The following CSMD1 variants were observed in gnomAD, a reference collection of about 807,000 sequenced individuals.
CSMD1 encodes CUB and sushi domain-containing protein 1.
In CSMD1, 213 loss-of-function variants were observed where a neutral mutation model predicts 417.5. The observed-to-expected ratio is 0.51, with a 90% CI of 0.46 to 0.57. The LOEUF (loss-of-function observed/expected upper bound fraction) is 0.57, where lower values mean the gene tolerates loss of function less well. Ranked by LOEUF, CSMD1 falls within the 20% of genes least tolerant of loss-of-function variation. CSMD1 has a pLI of 0.00. For synonymous variants in CSMD1, 2,862 were observed against 1,736.8 expected (o/e 1.65, Z -16.11); for missense variants, 6,923 against 4,529.7 (o/e 1.53, Z -15.17).
At chr8:3,614,872 C>T (rs113774788) in intron 8 of CSMD1, among the ~76,000 whole-genome samples, 25 of 152,224 alleles carry the variant, frequency 1.6e-4, no homozygotes, top group African/African-American at 5.8e-4. Flanking sequence ...TGATGATGCA[C>T]TGTTGTCAAC....
intron 23 of CSMD1, among the ~76,000 whole-genome samples, chr8:3,325,245 G>A (rs957998688): frequency 6.6e-6 from 1 of 152,182 alleles, no homozygotes; most frequent in African/African-American, 2.4e-5. Context: ...CCTTGCAAAT[G>A]CAATGCATCC....
At chr8:4,242,825 T>C (rs1229042505) in intron 3 of CSMD1, among the ~76,000 whole-genome samples, 1 of 152,234 alleles carries the variant, frequency 6.6e-6, no homozygotes, top group Non-Finnish European at 1.5e-5. Flanking sequence ...ACCAACGACA[T>C]GTGACTATTA....
chr8:4,291,614 T>A (rs1428519787), intron 3 of CSMD1, among the ~76,000 whole-genome samples: 1 of 152,220 alleles, frequency 6.6e-6, no homozygotes, highest in African/African-American at 2.4e-5. Flanking sequence ...ATTTTTCTTG[T>A]GATATGTTTC....
At position 3,225,877 on chromosome 8, in the gene CSMD1, T is replaced by TA. The variant is rs1798471924; in HGVS notation, c.4346-2011dup. Reference sequence around the variant, plus strand: ...AATATTTTAGATAGGATTAGAATAGTAAAAAATGCAACTCAGAGATGCTAG... The same window carrying TA: ...AATATTTTAGATAGGATTAGAATAGTAAAAAAATGCAACTCAGAGATGCTAG... On this transcript the variant is annotated intron_variant, in intron 27 of 69. Transcript: ENST00000635120. Among the ~76,000 whole-genome samples, 3 of 152,158 alleles carry TA rather than the reference T, an allele frequency of 2.0e-5. No homozygotes were observed. The South Asian group carries it at 6.2e-4, about 32-fold the overall frequency.
At chr8:4,190,828 C>G (rs1260059676) in intron 3 of CSMD1, among the ~76,000 whole-genome samples, 1 of 152,062 alleles carries the variant, frequency 6.6e-6, no homozygotes, top group East Asian at 1.9e-4. Context: ...GGCCATTACC[C>G]TTCGCAAACT....
chr8:4,241,595 C>T (rs1324168387), intron 3 of CSMD1, among the ~76,000 whole-genome samples: 1 of 152,106 alleles, frequency 6.6e-6, no homozygotes, highest in East Asian at 1.9e-4. Flanking sequence ...ATACCCGGAA[C>T]ACAAGTTTAG....
At chr8:3,352,270 G>C (rs1486956782) in intron 21 of CSMD1, among the ~76,000 whole-genome samples, 2 of 152,054 alleles carry the variant, frequency 1.3e-5, no homozygotes. Flanking sequence ...ATGGGAGATG[G>C]GATTGCAAAC....
intron 26 of CSMD1, among the ~76,000 whole-genome samples, chr8:3,244,292 T>G (rs957296649): frequency 1.3e-5 from 2 of 152,200 alleles, no homozygotes; most frequent in African/African-American, 4.8e-5. Context: ...TCCTTGTTTC[T>G]GTTCACTGGA....
intron 3 of CSMD1, among the ~76,000 whole-genome samples, chr8:4,347,563 G>A (rs947097214): frequency 2.6e-5 from 4 of 152,132 alleles, no homozygotes; most frequent in African/African-American, 9.7e-5. Flanking sequence ...CTTCCCTGTT[G>A]CCTATTATTA....
Position 3,813,870 on chromosome 8 carries a change from A to G in CSMD1, c.819-59828T>C, listed in dbSNP as rs146782267. ...ATGTTTTCTATCAGACAAGAGAAAA[A>G]GAAGAGAAAGTGATCGCTTTTCCTT... is the stretch of plus-strand genomic sequence containing the variant. On this transcript the variant is annotated intron_variant, in intron 5 of 69. Transcript: ENST00000635120. Among the ~76,000 whole-genome samples, 3 of 152,310 alleles carry G rather than the reference A, an allele frequency of 2.0e-5. 1 individual carries two copies. The highest frequency in any genetic ancestry group is 6.8e-3 in the Middle Eastern group (2 of 294).
chr8:3,486,452 T>C (rs1009982278), intron 11 of CSMD1, among the ~76,000 whole-genome samples: 3 of 152,216 alleles, frequency 2.0e-5, no homozygotes, highest in Non-Finnish European at 4.4e-5. Flanking sequence ...TAAAAATCTT[T>C]AAATGCTTTT....
intron 3 of CSMD1, among the ~76,000 whole-genome samples, chr8:4,347,958 G>T (rs984137213): frequency 6.6e-6 from 1 of 152,024 alleles, no homozygotes; most frequent in African/African-American, 2.4e-5. Flanking sequence ...AGGCACAGAA[G>T]AATTTATACA....
intron 5 of CSMD1, among the ~76,000 whole-genome samples, chr8:3,954,306 G>T (rs1811783913): frequency 6.6e-6 from 1 of 152,158 alleles, no homozygotes; most frequent in South Asian, 2.1e-4. Context: ...GAGAGACCAG[G>T]GCATGCACGC....
intron 9 of CSMD1, among the ~76,000 whole-genome samples, chr8:3,584,345 C>A (rs570567730): frequency 1.3e-4 from 20 of 152,172 alleles, no homozygotes; most frequent in African/African-American, 4.1e-4. Context: ...ACAAGAGAGA[C>A]CCTGCGAAAA....
chr8:3,706,591 T>G (rs915260083), intron 7 of CSMD1, among the ~76,000 whole-genome samples: 4 of 152,178 alleles, frequency 2.6e-5, no homozygotes, highest in Admixed American at 6.5e-5. Context: ...AGAAGAGATA[T>G]TCTCCTTATT....
chr8:2,941,954 G>T (rs979154266), intron 69 of CSMD1, among the ~76,000 whole-genome samples: 2 of 151,930 alleles, frequency 1.3e-5, no homozygotes, highest in Non-Finnish European at 2.9e-5. Context: ...GAACATGAAA[G>T]AAAAAAACAT....
intron 6 of CSMD1, among the ~76,000 whole-genome samples, chr8:3,741,841 G>T (rs893981602): frequency 3.9e-5 from 6 of 152,202 alleles, no homozygotes; most frequent in African/African-American, 1.4e-4. Context: ...GCTCAAGTCG[G>T]CTTTAGCAAA....
At chr8:3,370,762 G>A (rs190327857) in intron 18 of CSMD1, among the ~76,000 whole-genome samples, 7 of 152,234 alleles carry the variant, frequency 4.6e-5, no homozygotes, top group African/African-American at 1.7e-4. Flanking sequence ...ATCACCTGAG[G>A]TCAGGAGTTC....
intron 65 of CSMD1, among the ~76,000 whole-genome samples, chr8:2,951,961 G>C (rs1802667490): frequency 6.6e-6 from 1 of 152,094 alleles, no homozygotes; most frequent in Non-Finnish European, 1.5e-5. Context: ...ATGAAAGGCA[G>C]TCTTTTTAAA....
Sources: allele counts gnomAD v4.1 joint callset (sites outside exome capture counted in the v4.1 genomes callset), GRCh38; gene constraint gnomAD v4.1.1; transcripts MANE v1.5; gene names NCBI Gene and HGNC (gene_info 2026-07-23, HGNC 2026-07-21).